The following TRIM22 variants were observed in gnomAD, a reference collection of about 807,000 sequenced individuals.
The protein encoded by TRIM22 is E3 ubiquitin-protein ligase TRIM22.
A neutral mutation model predicts 53.6 loss-of-function variants in TRIM22; 45 were observed. The observed-to-expected ratio is 0.84, with a 90% CI of 0.66 to 1.08. The LOEUF (loss-of-function observed/expected upper bound fraction) is 1.08, where lower values mean the gene tolerates loss of function less well. Ranked by LOEUF, TRIM22 falls within the 50% of genes least tolerant of loss-of-function variation. TRIM22 has a pLI of 0.00. For synonymous variants in TRIM22, 225 were observed against 216.6 expected, an observed-to-expected ratio of 1.04 and a Z score of -0.34; for missense variants, 616 against 590.9, an observed-to-expected ratio of 1.04 and a Z score of -0.44.
intron 1 of TRIM22, among the ~76,000 whole-genome samples, chr11:5,692,254 T>C (rs1487967736): frequency 1.3e-5 from 2 of 152,222 alleles, no homozygotes; most frequent in African/African-American, 4.8e-5. Context: ...GTAGTGCTCT[T>C]GTCAAGGGCT....
At chr11:5,703,673 C>T (rs1853411430) in intron 4 of TRIM22, among the ~76,000 whole-genome samples, 2 of 119,412 alleles carry the variant, frequency 1.7e-5, no homozygotes, top group Non-Finnish European at 1.7e-5. Context: ...GCATGAGCCA[C>T]CGCGCCCGGA....
chr11:5,702,068 C>A (rs1045397768), intron 4 of TRIM22, among the ~76,000 whole-genome samples: 1 of 146,192 alleles, frequency 6.8e-6, no homozygotes, highest in Non-Finnish European at 1.5e-5. Context: ...TACTAATATA[C>A]ATCACAAATA....
chr11:5,709,915 G>T lies in TRIM22; in HGVS notation c.*267G>T. 1 of 435,372 alleles carries T rather than the reference G, an allele frequency of 2.3e-6. No individual in the cohort carries two copies. Among genetic ancestry groups the T allele is most frequent in the Non-Finnish European group, 4.1e-6 (1 of 244,110 alleles). 27.0% of individuals were successfully genotyped at this position (435,372 alleles called of 1,614,324 possible). A position where few individuals can be genotyped will look rare whatever the true frequency, so the allele number is the denominator to read the frequency against. On this transcript the variant is annotated 3_prime_UTR_variant, in exon 8 of 8. Coordinates refer to ENST00000379965, the MANE Select transcript of TRIM22 (RefSeq NM_006074.5). ...GTTCTTTCTGAGGTCTGCAAGGAAG[G>T]GCTCTGTTCCATGCCTCTCTCCTTG...
At chr11:5,703,698 T>TTA (rs397823402) in intron 4 of TRIM22, among the ~76,000 whole-genome samples, 3 of 151,838 alleles carry the variant, frequency 2.0e-5, no homozygotes, top group Non-Finnish European at 2.9e-5. Context: ...TTATTTTTTT[T>TTA]ATGACTATGT....
chr11:5,693,456 C>T (rs2134171439), intron 1 of TRIM22, among the ~76,000 whole-genome samples: 1 of 151,926 alleles, frequency 6.6e-6, no homozygotes, highest in South Asian at 2.1e-4. Context: ...CGCGGTGGCT[C>T]ACGCCAGTAA....
chr11:5,698,667 C>T, intron 4 of TRIM22, 122 bp downstream of exon 4: 1 of 765,102 alleles, frequency 1.3e-6, no homozygotes, highest in Non-Finnish European at 2.1e-6. Context: ...TTCCTTTGGC[C>T]CGGCATGCCC....
chr11:5,700,423 G>C (rs1853353391), intron 4 of TRIM22, among the ~76,000 whole-genome samples: 2 of 151,890 alleles, frequency 1.3e-5, no homozygotes, highest in Admixed American at 1.3e-4. Context: ...CCAGCAGTTT[G>C]TATAGTTTTT....
At chr11:5,707,789 A>G (rs1237271948) in intron 5 of TRIM22, among the ~76,000 whole-genome samples, 1 of 152,032 alleles carries the variant, frequency 6.6e-6, no homozygotes, top group East Asian at 1.9e-4. Context: ...TCCAGCCTGG[A>G]TAACAGAGTG....
chr11:5,701,754 T>C (rs966034250), intron 4 of TRIM22, among the ~76,000 whole-genome samples: 1 of 152,058 alleles, frequency 6.6e-6, no homozygotes, highest in South Asian at 2.1e-4. Flanking sequence ...TAGGGAAGCG[T>C]GGAACAGATT....
chr11:5,697,100 T>C (rs916190137), intron 2 of TRIM22, 148 bp from the exon 3 acceptor site: 7 of 597,962 alleles, frequency 1.2e-5, no homozygotes, highest in East Asian at 2.8e-5. Flanking sequence ...TCCTCAGATT[T>C]TCCCCCATGC....
intron 4 of TRIM22, among the ~76,000 whole-genome samples, chr11:5,698,941 C>T (rs987082776): frequency 1.3e-5 from 2 of 152,220 alleles, no homozygotes; most frequent in Non-Finnish European, 2.9e-5. Context: ...TTCTCTGGAC[C>T]TTTCAATATG....
At chr11:5,692,482 G>A (rs1177804236) in intron 1 of TRIM22, among the ~76,000 whole-genome samples, 2 of 152,168 alleles carry the variant, frequency 1.3e-5, no homozygotes, top group African/African-American at 2.4e-5. Context: ...TCATTACTTG[G>A]GGAAAACTAA....
intron 6 of TRIM22, 83 bp downstream of exon 6, chr11:5,708,356 AG>A (rs1339481026): frequency 6.3e-6 from 8 of 1,275,566 alleles, no homozygotes. Flanking sequence ...TTTTTAGGTT[AG>A]GATATAGGAG....
intron 4 of TRIM22, among the ~76,000 whole-genome samples, chr11:5,702,737 T>C (rs1853392896): frequency 6.6e-6 from 1 of 152,154 alleles, no homozygotes; most frequent in Non-Finnish European, 1.5e-5. Flanking sequence ...AAACAAAATA[T>C]TTTATTTACC....
intron 4 of TRIM22, 120 bp from the exon 5 acceptor site, chr11:5,706,474 T>C: frequency 1.5e-6 from 1 of 654,652 alleles, no homozygotes; most frequent in East Asian, 3.1e-5. Context: ...TTAAATATTA[T>C]AAGGGTCATA....
rs373622300 is a variant in TRIM22 at position 5,709,965 on chromosome 11, A to C, written c.*317A>C. 3.7e-5 allele frequency: 11 copies of C among 297,338 alleles called. No homozygotes were observed. The South Asian group carries it at 6.9e-4, about 19-fold the overall frequency. 18.4% of individuals were successfully genotyped at this position (297,338 alleles called of 1,614,324 possible). A position where few individuals can be genotyped will look rare whatever the true frequency, so the allele number is the denominator to read the frequency against. ...GGCTTGTAGAAGGCATCTTGTCCCT[A>C]TGACTCTTCACATTGTCTTTATGTA... On this transcript the variant is annotated 3_prime_UTR_variant, in exon 8 of 8. Coordinates refer to ENST00000379965, the MANE Select transcript of TRIM22 (RefSeq NM_006074.5).
chr11:5,694,989 C>G (rs1011705250), intron 1 of TRIM22, among the ~76,000 whole-genome samples: 1 of 152,074 alleles, frequency 6.6e-6, no homozygotes, highest in East Asian at 1.9e-4. Flanking sequence ...GTCTAATCAT[C>G]TATGGAGGGA....
Position 5,698,571 on chromosome 11 carries a change from G to C in TRIM22, c.750+26G>C, listed in dbSNP as rs372191694. 3.1e-5 allele frequency: 48 copies of C among 1,571,418 alleles called. No individual in the cohort carries two copies. The Admixed American group carries it at 6.1e-4, about 20-fold the overall frequency. On this transcript the variant is annotated intron_variant, in intron 4 of 7. Coordinates refer to ENST00000379965, the MANE Select transcript of TRIM22 (RefSeq NM_006074.5). ...GTAAGACTTGGGATGGAGCACCTAC[G>C]TAAGAGATTAGGGGAAAAACACAGA...
At position 5,709,569 on chromosome 11, in the gene TRIM22, G is replaced by A. The variant is rs368256788; in HGVS notation, c.1418G>A (p.Arg473His). ...GALIYKFSGC[R>H]FSRPAYPYFN... Reference sequence around the variant, plus strand: ...CTCATCTACAAGTTCTCTGGATGTCGCTTTTCTCGACCTGCTTATCCGTAT... The same window carrying A: ...CTCATCTACAAGTTCTCTGGATGTCACTTTTCTCGACCTGCTTATCCGTAT... Residue 473 changes from arginine (R) to histidine (H), a missense_variant, in exon 8 of 8, where the codon CGC becomes CAC. Arg to His is a conservative substitution (Grantham distance 29). Coordinates refer to ENST00000379965, the MANE Select transcript of TRIM22 (RefSeq NM_006074.5). 79 of 1,613,552 alleles carry A rather than the reference G, an allele frequency of 4.9e-5. No individual in the cohort carries two copies. The South Asian group carries it at 6.0e-4, about 12-fold the overall frequency.
Sources: gnomAD v4.1 joint callset for allele counts (sites outside exome capture counted in the v4.1 genomes callset) on GRCh38, gnomAD v4.1.1 for gene constraint, MANE v1.5 for transcripts, NCBI Gene and HGNC (gene_info 2026-07-23, HGNC 2026-07-21) for gene names.